Variants in EEFSEC observed in about 807,000 individuals in gnomAD.
EEFSEC encodes the protein eukaryotic elongation factor, selenocysteine-tRNA specific, also known as selenocysteine-specific elongation factor.
A neutral mutation model predicts 42.1 loss-of-function variants in EEFSEC; 43 were observed. The ratio of observed to expected loss-of-function variants is 1.02; its 90% CI spans 0.80 to 1.32. The LOEUF (loss-of-function observed/expected upper bound fraction) is 1.32, where lower values mean the gene tolerates loss of function less well. Among genes scored for constraint, EEFSEC ranks in the 40% most tolerant of loss-of-function variants. The probability of loss-of-function intolerance (pLI) is 0.00; values close to 1 mark genes in which losing one functional copy is unlikely to be tolerated. For synonymous variants in EEFSEC, 354 were observed against 339.1 expected (o/e 1.04, Z -0.48); for missense variants, 745 against 803.6 (o/e 0.93, Z 0.88).
chr3:128,362,097 C>T, intron 6 of EEFSEC: 1 of 386,428 alleles, frequency 2.6e-6, no homozygotes, highest in South Asian at 2.0e-5. Flanking sequence ...AGCTGGGAGG[C>T]CCATGTGGTG....
chr3:128,196,388 G>A (rs1430949206), intron 1 of EEFSEC, among the ~76,000 whole-genome samples: 1 of 152,192 alleles, frequency 6.6e-6, no homozygotes, highest in Non-Finnish European at 1.5e-5. Context: ...GATGTGTGCT[G>A]TGATACAAAT....
At chr3:128,246,784 G>T in intron 1 of EEFSEC, 52 bp from the exon 2 acceptor site, 6 of 1,599,690 alleles carry the variant, frequency 3.8e-6, no homozygotes, top group Non-Finnish European at 5.1e-6. Context: ...GCAACTTTCT[G>T]TGGGGCTCAC....
At chr3:128,380,489 A>C (rs2067762717) in intron 6 of EEFSEC, among the ~76,000 whole-genome samples, 1 of 152,150 alleles carries the variant, frequency 6.6e-6, no homozygotes, top group South Asian at 2.1e-4. Context: ...GTACAGCTCA[A>C]GCCCTCCACC....
chr3:128,338,631 A>G (rs988028378), intron 4 of EEFSEC, among the ~76,000 whole-genome samples: 1 of 152,212 alleles, frequency 6.6e-6, no homozygotes, highest in Non-Finnish European at 1.5e-5. Flanking sequence ...CACAGCATTT[A>G]CAAGGATTCA....
At chr3:128,250,486 A>G (rs2066173770) in intron 2 of EEFSEC, among the ~76,000 whole-genome samples, 1 of 152,102 alleles carries the variant, frequency 6.6e-6, no homozygotes, top group South Asian at 2.1e-4. Flanking sequence ...CCAGTTTTCC[A>G]GGCACTTTTG....
intron 4 of EEFSEC, among the ~76,000 whole-genome samples, chr3:128,301,963 T>C (rs1172404958): frequency 1.3e-5 from 2 of 152,172 alleles, no homozygotes; most frequent in African/African-American, 4.8e-5. Flanking sequence ...CAAAGTTACC[T>C]AATGGAGTGA....
intron 1 of EEFSEC, among the ~76,000 whole-genome samples, chr3:128,188,407 G>A (rs1294425933): frequency 6.6e-6 from 1 of 152,122 alleles, no homozygotes; most frequent in Non-Finnish European, 1.5e-5. Flanking sequence ...TCTTTTTTGT[G>A]GGGTAGATGA....
At chr3:128,304,520 T>A (rs1205880282) in intron 4 of EEFSEC, among the ~76,000 whole-genome samples, 1 of 152,188 alleles carries the variant, frequency 6.6e-6, no homozygotes, top group African/African-American at 2.4e-5. Context: ...GTATTGTTTT[T>A]ATTGTCTTTT....
intron 4 of EEFSEC, among the ~76,000 whole-genome samples, chr3:128,326,427 A>G (rs1478944564): frequency 6.6e-6 from 1 of 152,194 alleles, no homozygotes; most frequent in African/African-American, 2.4e-5. Context: ...TGGAGGGAAA[A>G]GATAGTCTCC....
chr3:128,388,148 G>A (rs917818421), intron 6 of EEFSEC, among the ~76,000 whole-genome samples: 3 of 152,204 alleles, frequency 2.0e-5, no homozygotes, highest in Non-Finnish European at 4.4e-5. Flanking sequence ...TCTGAGCTCT[G>A]TTCCTCTTTC....
At chr3:128,374,679 TA>T (rs57762360) in intron 6 of EEFSEC, among the ~76,000 whole-genome samples, 16 of 151,936 alleles carry the variant, frequency 1.1e-4, no homozygotes, top group Non-Finnish European at 1.6e-4. Context: ...TAGAAATTGT[TA>T]AAAAAAATGA....
intron 1 of EEFSEC, chr3:128,154,058 T>TA (rs376181797): frequency 0.13 from 37,098 of 287,624 alleles, 1,854 homozygotes; most frequent in African/African-American, 0.24. Context: ...GCGCCTTCCT[T>TA]AAAAAAAAAA....
At chr3:128,246,212 A>C (rs2066124891) in intron 1 of EEFSEC, among the ~76,000 whole-genome samples, 1 of 139,020 alleles carries the variant, frequency 7.2e-6, no homozygotes, top group African/African-American at 2.7e-5. Context: ...CAGTAGGATG[A>C]TGCTCACAAG....
chr3:128,360,287 C>T (rs1222363416), intron 6 of EEFSEC, among the ~76,000 whole-genome samples: 1 of 152,236 alleles, frequency 6.6e-6, no homozygotes, highest in Non-Finnish European at 1.5e-5. Context: ...CTCCAGGGAG[C>T]ATGCAGGGGG....
intron 4 of EEFSEC, among the ~76,000 whole-genome samples, chr3:128,337,991 G>C (rs1409487946): frequency 6.6e-6 from 1 of 152,170 alleles, no homozygotes; most frequent in Admixed American, 6.5e-5. Context: ...GCATTTTCCA[G>C]CAAAGAACTG....
At chr3:128,372,115 A>G (rs1023809103) in intron 6 of EEFSEC, among the ~76,000 whole-genome samples, 1 of 152,240 alleles carries the variant, frequency 6.6e-6, no homozygotes, top group African/African-American at 2.4e-5. Context: ...ATATGCAGTT[A>G]TCCTACCTAA....
chr3:128,293,943 C>A (rs2066674867), intron 4 of EEFSEC, among the ~76,000 whole-genome samples: 1 of 152,200 alleles, frequency 6.6e-6, no homozygotes, highest in African/African-American at 2.4e-5. Context: ...TAGCAGTACT[C>A]AAAGAAGTTA....
rs2811548 is a variant in EEFSEC, at chr3:128,220,559, G to A, written c.317-26277G>A. On this transcript the variant is annotated intron_variant, in intron 1 of 6. Transcript: ENST00000254730. ...TGAAGTATGGCTATGGATGCTACCC[G>A]CCATGCAGTCTGAGGATTCCTCCAC... Among the ~76,000 whole-genome samples the A allele has an allele frequency of 9.3e-3, 1,419 of 152,214 alleles. 80 individuals carry two copies. Among genetic ancestry groups the A allele is most frequent in the Admixed American group, 0.078 (1,193 of 15,294 alleles).
chr3:128,297,200 C>T (rs941178758), intron 4 of EEFSEC, among the ~76,000 whole-genome samples: 6 of 151,934 alleles, frequency 3.9e-5, no homozygotes, highest in Non-Finnish European at 5.9e-5. Context: ...ACAGGGAACA[C>T]CAACTGAAGG....
Sources: allele counts gnomAD v4.1 joint callset (sites outside exome capture counted in the v4.1 genomes callset), GRCh38; gene constraint gnomAD v4.1.1; transcripts MANE v1.5; gene names NCBI Gene and HGNC (gene_info 2026-07-23, HGNC 2026-07-21).